SOX5: variants seen among roughly 807,000 people sequenced by gnomAD.
SOX5 encodes transcription factor SOX-5.
A neutral mutation model predicts 92.0 loss-of-function variants in SOX5; 9 were observed. The observed-to-expected ratio is 0.10, with a 90% CI of 0.06 to 0.17. SOX5 has a LOEUF of 0.17. Among genes scored for constraint, SOX5 ranks in the 10% least tolerant of loss-of-function variants. The pLI, the probability that SOX5 is intolerant of heterozygous loss-of-function variation, is 1.00. For synonymous variants in SOX5, 344 were observed against 336.3 expected (o/e 1.02, Z -0.25); for missense variants, 642 against 944.5 (o/e 0.68, Z 4.20).
intron 7 of SOX5, among the ~76,000 whole-genome samples, chr12:23,645,429 G>A (rs1260797933): frequency 6.6e-6 from 1 of 152,190 alleles, no homozygotes; most frequent in Non-Finnish European, 1.5e-5. Flanking sequence ...ATCTGGATAT[G>A]AAAAGGCAAT....
intron 1 of SOX5, among the ~76,000 whole-genome samples, chr12:23,926,633 T>C (rs1036100363): frequency 2.6e-5 from 4 of 152,124 alleles, no homozygotes; most frequent in Admixed American, 6.5e-5. Context: ...TTTTTCCTGA[T>C]AGCAATTCAT....
At chr12:24,437,761 G>A (rs1444074648) in intron 1 of SOX5, among the ~76,000 whole-genome samples, 16 of 152,248 alleles carry the variant, frequency 1.1e-4, no homozygotes, top group African/African-American at 2.4e-4. Flanking sequence ...TTAGAATGGC[G>A]ATCATTAAAG....
At chr12:23,611,384 G>GTA (rs1566314398) in intron 8 of SOX5, among the ~76,000 whole-genome samples, 1 of 143,456 alleles carries the variant, frequency 7.0e-6, no homozygotes, top group African/African-American at 2.5e-5. Flanking sequence ...GTGTGTGTGT[G>GTA]TGTGTGTGTG....
chr12:23,961,906 CAAA>C (rs1041025597), intron 4 of SOX5, among the ~76,000 whole-genome samples: 18 of 152,038 alleles, frequency 1.2e-4, no homozygotes, highest in African/African-American at 4.1e-4. Context: ...ATTACTTCCT[CAAA>C]GAAGAGAGAT....
At chr12:24,000,260 G>A (rs1178935088) in intron 4 of SOX5, among the ~76,000 whole-genome samples, 1 of 151,380 alleles carries the variant, frequency 6.6e-6, no homozygotes, top group East Asian at 1.9e-4. Context: ...TGAAAGAAAA[G>A]GTAAATATGT....
chr12:24,298,911 T>G (rs533743694), intron 2 of SOX5, among the ~76,000 whole-genome samples: 1 of 152,046 alleles, frequency 6.6e-6, no homozygotes, highest in South Asian at 2.1e-4. Context: ...GTTTTCAGTA[T>G]GTAAAATATC....
chr12:23,860,670 G>C (rs767107555), intron 2 of SOX5, among the ~76,000 whole-genome samples: 1 of 152,054 alleles, frequency 6.6e-6, no homozygotes, highest in East Asian at 1.9e-4. Context: ...AACATCTAAA[G>C]GTAGATGTGC....
intron 1 of SOX5, among the ~76,000 whole-genome samples, chr12:23,916,881 C>T (rs150701386): frequency 2.6e-5 from 4 of 151,970 alleles, no homozygotes; most frequent in East Asian, 1.9e-4. Flanking sequence ...TCTATCAGGG[C>T]TTTTTAATAT....
chr12:24,383,446 G>A (rs576649770), intron 1 of SOX5, among the ~76,000 whole-genome samples: 17 of 152,306 alleles, frequency 1.1e-4, no homozygotes, highest in Admixed American at 1.0e-3. Flanking sequence ...ACTAACTACA[G>A]TCAACCACAG....
chr12:24,466,318 T>C (rs1394393502), intron 1 of SOX5, among the ~76,000 whole-genome samples: 3 of 152,014 alleles, frequency 2.0e-5, no homozygotes, highest in Admixed American at 1.3e-4. Flanking sequence ...CAGTTATAGC[T>C]CATAACAGCT....
chr12:24,257,042 G>A (rs1391239820), intron 3 of SOX5, among the ~76,000 whole-genome samples: 1 of 152,200 alleles, frequency 6.6e-6, no homozygotes, highest in African/African-American at 2.4e-5. Context: ...CTTTGGAAGT[G>A]TGAATAGAAG....
chr12:24,112,137 GT>G (rs1452898450), intron 4 of SOX5, among the ~76,000 whole-genome samples: 19 of 152,240 alleles, frequency 1.2e-4, no homozygotes, highest in Non-Finnish European at 2.1e-4. Flanking sequence ...ATTTTAAGAC[GT>G]TTAAATGATT....
At chr12:24,103,287 T>C (rs1946299343) in intron 4 of SOX5, among the ~76,000 whole-genome samples, 1 of 152,214 alleles carries the variant, frequency 6.6e-6, no homozygotes, top group African/African-American at 2.4e-5. Context: ...TTACATTTTA[T>C]ACATTATTCA....
At chr12:24,403,889 G>T (rs1197312371) in intron 1 of SOX5, among the ~76,000 whole-genome samples, 85 of 152,160 alleles carry the variant, frequency 5.6e-4, no homozygotes, top group Non-Finnish European at 5.9e-5. Flanking sequence ...TAACTGAAAG[G>T]AATAATAAAA....
At chr12:23,790,419 T>C (rs1481637260) in intron 3 of SOX5, among the ~76,000 whole-genome samples, 1 of 152,076 alleles carries the variant, frequency 6.6e-6, no homozygotes, top group Admixed American at 6.6e-5. Context: ...ATTCAATAAA[T>C]AATAGTGACT....
At chr12:23,577,105 T>C (rs934668013) in intron 9 of SOX5, among the ~76,000 whole-genome samples, 5 of 145,940 alleles carry the variant, frequency 3.4e-5, no homozygotes, top group African/African-American at 1.3e-4. Flanking sequence ...TATGAAATGG[T>C]TAAATGGTAA....
At chr12:23,548,769 AC>A (rs1186734105) in intron 11 of SOX5, among the ~76,000 whole-genome samples, 6 of 152,080 alleles carry the variant, frequency 3.9e-5, no homozygotes, top group Non-Finnish European at 8.8e-5. Flanking sequence ...TAAAGCTGAC[AC>A]ATAGTACTTA....
chr12:23,741,810 A>G (rs2093807588), intron 4 of SOX5, among the ~76,000 whole-genome samples: 1 of 152,206 alleles, frequency 6.6e-6, no homozygotes, highest in Non-Finnish European at 1.5e-5. Flanking sequence ...GCTAATACAT[A>G]AATCCAAAAT....
intron 2 of SOX5, among the ~76,000 whole-genome samples, chr12:24,337,246 A>C (rs1226411896): frequency 1.3e-5 from 2 of 152,150 alleles, no homozygotes; most frequent in Non-Finnish European, 2.9e-5. Context: ...CTTACTTTCT[A>C]TAAATCAGAC....
Sources: gnomAD v4.1 joint callset for allele counts (sites outside exome capture counted in the v4.1 genomes callset) on GRCh38, gnomAD v4.1.1 for gene constraint, MANE v1.5 for transcripts, NCBI Gene and HGNC (gene_info 2026-07-23, HGNC 2026-07-21) for gene names.